Variants in NOMO2 observed in about 807,000 individuals in gnomAD.
The protein encoded by NOMO2 is BOS complex subunit NOMO2.
In NOMO2, 14 loss-of-function variants were observed where a neutral mutation model predicts 67.1. That is an observed-to-expected ratio of 0.21 (90% CI 0.14 to 0.33). NOMO2 has a LOEUF of 0.33. Among genes scored for constraint, NOMO2 ranks in the 10% least tolerant of loss-of-function variants. NOMO2 has a pLI of 1.00. For synonymous variants in NOMO2, 80 were observed against 305.9 expected (o/e 0.26, Z 7.71); for missense variants, 178 against 761.0 (o/e 0.23, Z 9.01).
intron 9 of NOMO2, among the ~76,000 whole-genome samples, chr16:18,539,911 GATCTGTGT>G (rs1343941272): frequency 6.6e-6 from 1 of 152,006 alleles, no homozygotes; most frequent in Non-Finnish European, 1.5e-5. Context: ...TTCCAGCCCT[GATCTGTGT>G]ATCCCCAAGG....
intron 9 of NOMO2, 102 bp from the exon 10 acceptor site, chr16:18,539,066 C>T (rs1901489784): frequency 1.4e-6 from 1 of 704,406 alleles, no homozygotes; most frequent in Non-Finnish European, 2.6e-6. Context: ...ATGTCTGCTC[C>T]TGCCGCCCAC....
chr16:18,560,051 G>A (rs1156449473), intron 1 of NOMO2, among the ~76,000 whole-genome samples: 1 of 151,464 alleles, frequency 6.6e-6, no homozygotes, highest in African/African-American at 2.4e-5. Context: ...ACTCAGGATG[G>A]GAGAAAGCTA....
rs544237108 is a variant in NOMO2 at position 18,536,039 on chromosome 16, G to A, written c.1220+2487C>T. Among the ~76,000 whole-genome samples the A allele has an allele frequency of 2.6e-5, 4 of 152,004 alleles. 1 individual carries two copies. In the South Asian group the frequency reaches 6.2e-4, roughly 24 times the overall value. On this transcript the variant is annotated intron_variant, in intron 11 of 30. Coordinates refer to ENST00000622306, the MANE Select transcript of NOMO2 (RefSeq NM_173614.4). Reference sequence around the variant, plus strand: ...GCTTGAACTCCTGACCTCATGATCCGCCCACCTCAGCCTCCCAAAGTGCTG... The same window carrying A: ...GCTTGAACTCCTGACCTCATGATCCACCCACCTCAGCCTCCCAAAGTGCTG...
chr16:18,529,437 G>T, intron 15 of NOMO2, 64 bp downstream of exon 15: 2 of 1,611,520 alleles, frequency 1.2e-6, no homozygotes, highest in Non-Finnish European at 1.7e-6. Context: ...TGGGATGTTA[G>T]TCTTTCTTGA....
At chr16:18,550,932 C>T (rs1372193785) in intron 4 of NOMO2, among the ~76,000 whole-genome samples, 4 of 151,598 alleles carry the variant, frequency 2.6e-5, no homozygotes, top group Admixed American at 6.6e-5. Flanking sequence ...TGGAGGCAGG[C>T]GGATCACCTG....
chr16:18,557,905 C>G (rs1901947717), intron 1 of NOMO2, 114 bp from the exon 2 acceptor site: 1 of 1,587,648 alleles, frequency 6.3e-7, no homozygotes, highest in Non-Finnish European at 8.6e-7. Context: ...CTACTATATA[C>G]CAGCTTTTAA....
In NOMO2 at chr16:18,562,029, G is replaced by C; in HGVS notation, c.12C>G (p.Gly4=). 2 of 1,521,390 alleles carry C rather than the reference G, an allele frequency of 1.3e-6. No homozygotes were observed. Among genetic ancestry groups the C allele is most frequent in the Non-Finnish European group, 1.8e-6 (2 of 1,136,922 alleles). The allele number at this position is 1,521,390 out of a possible 1,614,324, so 94.2% of individuals were successfully genotyped here. MLV[G]QGAGLLGPAV... ...CGGGCCCCAGCAGCCCCGCGCCCTG[G>C]CCCACCAGCATGGCCCGACCTCCCC... Residue 4 remains glycine, a synonymous_variant, in exon 1 of 31, where the codon GGC becomes GGG. Transcript: ENST00000622306.
chr16:18,525,790 C>T (rs1372835896), intron 16 of NOMO2, among the ~76,000 whole-genome samples: 5 of 151,728 alleles, frequency 3.3e-5, no homozygotes, highest in South Asian at 2.1e-4. Context: ...GAGGAGGGGG[C>T]GCAAGGAAAT....
Position 18,531,615 on chromosome 16 carries a change from A to G in NOMO2, c.1396-8T>C, listed in dbSNP as rs1346976957. The G allele has an allele frequency of 2.0e-5, 32 of 1,612,852 alleles. No individual in the cohort carries two copies. The highest frequency in any genetic ancestry group is 2.4e-5 in the Non-Finnish European group (28 of 1,179,654). Reference sequence around the variant, plus strand: ...TGCCTCAGGAACCATCACCTGCGGAAACGTGGATGGAACGTTAGAGGCTGC... The same window carrying G: ...TGCCTCAGGAACCATCACCTGCGGAGACGTGGATGGAACGTTAGAGGCTGC... On this transcript the variant is annotated splice_polypyrimidine_tract_variant and splice_region_variant and intron_variant, in intron 12 of 30. Transcript: ENST00000622306.
intron 1 of NOMO2, among the ~76,000 whole-genome samples, chr16:18,561,013 C>G (rs2141765330): frequency 6.6e-6 from 1 of 151,162 alleles, no homozygotes; most frequent in South Asian, 2.1e-4. Flanking sequence ...AAATCCCCGC[C>G]CAAAAATGAG....
At position 18,531,487 on chromosome 16, in the gene NOMO2, A is replaced by C. The variant is rs1212725448; in HGVS notation, c.1516T>G (p.Ser506Ala). Residue 506 changes from serine to alanine, a missense_variant, in exon 13 of 31, where the codon TCT becomes GCT. Ser to Ala is a moderately conservative substitution (Grantham distance 99, BLOSUM62 1). Transcript: ENST00000622306. Reference protein sequence around the residue: ...VAFVQFLASVSGKVSCLDTCG... With the variant: ...VAFVQFLASVAGKVSCLDTCG... ...TTACCCAAACAAGAGACTTTCCCAG[A>C]AACTGATGCCAAGAACTGTACAAAG... 1 of 1,611,610 alleles carries C rather than the reference A, an allele frequency of 6.2e-7. No individual in the cohort carries two copies. Among genetic ancestry groups the C allele is most frequent in the East Asian group, 2.2e-5 (1 of 44,680 alleles).
chr16:18,548,955 C>CT (rs966220380), intron 5 of NOMO2, among the ~76,000 whole-genome samples: 2 of 141,142 alleles, frequency 1.4e-5, no homozygotes, highest in African/African-American at 5.2e-5. Flanking sequence ...GGTATTAACT[C>CT]TTTTTTTGTT....
At chr16:18,559,312 A>G (rs548637969) in intron 1 of NOMO2, among the ~76,000 whole-genome samples, 3,310 of 151,976 alleles carry the variant, frequency 0.022, 77 homozygotes, top group Non-Finnish European at 0.032. Context: ...GCACAGCTCA[A>G]CCACTCTGAG....
intron 16 of NOMO2, among the ~76,000 whole-genome samples, chr16:18,526,337 C>A (rs1005016003): frequency 2.0e-5 from 3 of 152,050 alleles, no homozygotes. Flanking sequence ...AATGACACAG[C>A]CTCTGTGGAA....
chr16:18,539,750 GAA>G (rs1239050552), intron 9 of NOMO2, among the ~76,000 whole-genome samples: 1 of 150,122 alleles, frequency 6.7e-6, no homozygotes, highest in African/African-American at 2.4e-5. Flanking sequence ...CTGTCTCAAA[GAA>G]AAAAAAAGAA....
chr16:18,558,772 G>A (rs1188686721), intron 1 of NOMO2: 2 of 450,304 alleles, frequency 4.4e-6, no homozygotes, highest in Non-Finnish European at 9.0e-6. Flanking sequence ...GCAAGCTCGT[G>A]TTCGGTTTCT....
At chr16:18,536,009 G>A (rs1049327461) in intron 11 of NOMO2, among the ~76,000 whole-genome samples, 2 of 152,100 alleles carry the variant, frequency 1.3e-5, no homozygotes, top group African/African-American at 4.8e-5. Context: ...TGCTGGCCAG[G>A]CTGCGCTTGA....
At chr16:18,539,945 C>T (rs1336316954) in intron 9 of NOMO2, among the ~76,000 whole-genome samples, 3 of 151,884 alleles carry the variant, frequency 2.0e-5, no homozygotes, top group Admixed American at 6.6e-5. Flanking sequence ...ACTGCTAACC[C>T]ATTTTAGTAT....
intron 4 of NOMO2, among the ~76,000 whole-genome samples, chr16:18,550,891 C>T (rs1426102279): frequency 5.9e-5 from 9 of 151,948 alleles, no homozygotes; most frequent in East Asian, 5.8e-4. Context: ...GGGTGCACAG[C>T]GTACACCTGT....
Sources: gnomAD v4.1 joint callset for allele counts (sites outside exome capture counted in the v4.1 genomes callset) on GRCh38, gnomAD v4.1.1 for gene constraint, MANE v1.5 for transcripts, NCBI Gene and HGNC (gene_info 2026-07-23, HGNC 2026-07-21) for gene names.